Variants in C3orf33 observed in about 807,000 individuals in gnomAD.
C3orf33 encodes AP-1 activity suppressor.
Under a neutral mutation model 28.7 loss-of-function variants are expected in C3orf33, and 23 were observed. The ratio of observed to expected loss-of-function variants is 0.80; its 90% CI spans 0.58 to 1.13. C3orf33 has a LOEUF of 1.13. Ranked by LOEUF, C3orf33 falls within the 50% of genes most tolerant of loss-of-function variation. C3orf33 has a pLI of 0.00. For synonymous variants in C3orf33, 119 were observed against 120.5 expected (o/e 0.99, Z 0.08); for missense variants, 327 against 353.4 (o/e 0.93, Z 0.60).
intron 2 of C3orf33, among the ~76,000 whole-genome samples, chr3:155,783,767 T>C (rs1339194049): frequency 1.3e-5 from 2 of 152,198 alleles, no homozygotes; most frequent in African/African-American, 2.4e-5. Context: ...TCACCAGGCC[T>C]GTACTACATT....
At chr3:155,769,479 C>A in intron 3 of C3orf33, among the ~76,000 whole-genome samples, 1 of 125,440 alleles carries the variant, frequency 8.0e-6, no homozygotes. Flanking sequence ...TAGAGTGAGA[C>A]TGTTTCAAAA....
chr3:155,788,439 C>T (rs1751207381), intron 2 of C3orf33, among the ~76,000 whole-genome samples: 1 of 151,922 alleles, frequency 6.6e-6, no homozygotes, highest in Non-Finnish European at 1.5e-5. Context: ...AATCCTAGCA[C>T]TTTGGGAGGC....
chr3:155,770,886 C>T (rs961162761), intron 3 of C3orf33, among the ~76,000 whole-genome samples: 5 of 151,986 alleles, frequency 3.3e-5, no homozygotes, highest in Admixed American at 3.3e-4. Context: ...ATTTGCCAGG[C>T]TGGTCTTGAA....
At chr3:155,781,236 G>A (rs1480648132) in intron 2 of C3orf33, among the ~76,000 whole-genome samples, 1 of 151,292 alleles carries the variant, frequency 6.6e-6, no homozygotes, top group Non-Finnish European at 1.5e-5. Context: ...TCGATCTCCT[G>A]ACCTCATGAT....
chr3:155,770,082 G>T (rs1750534815), intron 3 of C3orf33, among the ~76,000 whole-genome samples: 1 of 152,138 alleles, frequency 6.6e-6, no homozygotes, highest in Admixed American at 6.6e-5. Flanking sequence ...GCCCGTCTTT[G>T]GGCAGGAGAC....
chr3:155,806,123 T>C lies in C3orf33; in HGVS notation c.114+16A>G. On this transcript the variant is annotated intron_variant, in intron 1 of 4. Coordinates refer to ENST00000340171, the MANE Select transcript of C3orf33 (RefSeq NM_001308229.2). Reference sequence around the variant, plus strand: ...CCCCGCGCCCACCACCCGCCCAGACTGCGTGGCCCCAGTACCCGGACTAGG... The same window carrying C: ...CCCCGCGCCCACCACCCGCCCAGACCGCGTGGCCCCAGTACCCGGACTAGG... 2 of 1,402,234 alleles carry C rather than the reference T, an allele frequency of 1.4e-6. No individual in the cohort carries two copies. Among genetic ancestry groups the C allele is most frequent in the Non-Finnish European group, 1.9e-6 (2 of 1,063,410 alleles). The allele number at this position is 1,402,234 out of a possible 1,614,324, so 86.9% of individuals were successfully genotyped here.
At chr3:155,798,497 G>A (rs777853183) in intron 2 of C3orf33, among the ~76,000 whole-genome samples, 2 of 152,104 alleles carry the variant, frequency 1.3e-5, no homozygotes, top group Non-Finnish European at 2.9e-5. Context: ...TTCAACAAAG[G>A]TGCCAAGAAC....
At position 155,769,316 on chromosome 3, in the gene C3orf33, A is replaced by AAC. The variant is rs1487084286; in HGVS notation, c.323-1648_323-1647insGT. Among the ~76,000 whole-genome samples, 472 of 99,490 alleles carry AAC rather than the reference A, an allele frequency of 4.7e-3. 1 individual carries two copies. Among genetic ancestry groups the AAC allele is most frequent in the East Asian group, 0.012 (20 of 1,678 alleles). The allele number at this position is 99,490 out of a possible 152,430, so 65.3% of individuals were successfully genotyped here. A position where few individuals can be genotyped will look rare whatever the true frequency, so the allele number is the denominator to read the frequency against. ...AACAAGAGCAAAACTCCCTCTCAAA[A>AAC]AAAAAAAAAAAAAATACAAAAATTA... On this transcript the variant is annotated intron_variant, in intron 3 of 4. Coordinates refer to ENST00000340171, the MANE Select transcript of C3orf33 (RefSeq NM_001308229.2).
intron 2 of C3orf33, among the ~76,000 whole-genome samples, chr3:155,784,662 T>A (rs1278526182): frequency 1.3e-5 from 2 of 151,536 alleles, no homozygotes; most frequent in African/African-American, 4.9e-5. Context: ...ATCACCTGAA[T>A]CCGGGAGGTG....
intron 4 of C3orf33, among the ~76,000 whole-genome samples, chr3:155,765,073 C>G (rs764217154): frequency 5.5e-4 from 84 of 152,284 alleles, no homozygotes; most frequent in Non-Finnish European, 8.5e-4. Flanking sequence ...AATTAAAATT[C>G]CACCTCACAC....
intron 4 of C3orf33, among the ~76,000 whole-genome samples, chr3:155,766,523 T>C (rs987038633): frequency 6.6e-6 from 1 of 152,236 alleles, no homozygotes; most frequent in Non-Finnish European, 1.5e-5. Flanking sequence ...GAAAACACCC[T>C]GGCTGTTTGT....
intron 2 of C3orf33, among the ~76,000 whole-genome samples, chr3:155,797,320 C>A (rs894261495): frequency 1.3e-5 from 2 of 152,064 alleles, no homozygotes. Context: ...CAATAAAAGC[C>A]ATACACAACA....
intron 2 of C3orf33, among the ~76,000 whole-genome samples, chr3:155,797,544 T>C (rs983036375): frequency 5.9e-5 from 9 of 152,178 alleles, no homozygotes; most frequent in South Asian, 2.1e-4. Flanking sequence ...ATATGATCTG[T>C]ATTCGAAAAA....
At chr3:155,772,786 G>GTGTGTA (rs1018365217) in intron 3 of C3orf33, among the ~76,000 whole-genome samples, 2 of 139,316 alleles carry the variant, frequency 1.4e-5, no homozygotes, top group South Asian at 2.2e-4. Context: ...GTGTGTGTGT[G>GTGTGTA]TGTGTGTGTG....
chr3:155,805,585 AGC>A, intron 1 of C3orf33: 1 of 265,172 alleles, frequency 3.8e-6, no homozygotes, highest in Non-Finnish European at 7.1e-6. Flanking sequence ...TCGATGGGGT[AGC>A]GCACGCAACC....
intron 2 of C3orf33, among the ~76,000 whole-genome samples, chr3:155,798,065 T>G (rs1751531404): frequency 8.0e-6 from 1 of 124,356 alleles, no homozygotes; most frequent in Admixed American, 9.6e-5. Flanking sequence ...GGCAAGTGTC[T>G]GTCTCAAAGA....
At chr3:155,775,430 A>C (rs555711330) in intron 3 of C3orf33, among the ~76,000 whole-genome samples, 1 of 151,718 alleles carries the variant, frequency 6.6e-6, no homozygotes, top group South Asian at 2.1e-4. Context: ...CGGAGGTTGC[A>C]GTGAGCCGAA....
chr3:155,767,457 ATAAG>A, intron 4 of C3orf33, 48 bp downstream of exon 4: 1 of 1,314,168 alleles, frequency 7.6e-7, no homozygotes, highest in East Asian at 2.6e-5. Flanking sequence ...GTGTTTACAT[ATAAG>A]TAATAAGAAG....
intron 2 of C3orf33, among the ~76,000 whole-genome samples, chr3:155,795,544 C>A (rs2109277551): frequency 6.6e-6 from 1 of 152,204 alleles, no homozygotes; most frequent in Admixed American, 6.5e-5. Context: ...AACTAGAAAT[C>A]TATAACAAGA....
Sources: gnomAD v4.1 joint callset for allele counts (sites outside exome capture counted in the v4.1 genomes callset) on GRCh38, gnomAD v4.1.1 for gene constraint, MANE v1.5 for transcripts, NCBI Gene and HGNC (gene_info 2026-07-23, HGNC 2026-07-21) for gene names.